The following CETP variants were observed in gnomAD, a reference collection of about 807,000 sequenced individuals.
The protein encoded by CETP is BPI fold containing family F.
CETP carries 56 observed loss-of-function variants against 66.5 expected under a neutral mutation model. The ratio of observed to expected loss-of-function variants is 0.84; its 90% CI spans 0.68 to 1.05. The LOEUF (loss-of-function observed/expected upper bound fraction) is 1.05, where lower values mean the gene tolerates loss of function less well. Ranked by LOEUF, CETP falls within the 50% of genes least tolerant of loss-of-function variation. CETP has a pLI of 0.00. For synonymous variants in CETP, 251 were observed against 245.7 expected, an observed-to-expected ratio of 1.02 and a Z score of -0.20; for missense variants, 612 against 609.6, an observed-to-expected ratio of 1.00 and a Z score of -0.04.
intron 10 of CETP, among the ~76,000 whole-genome samples, chr16:56,977,166 C>A (rs113746343): frequency 3.7e-4 from 56 of 152,280 alleles, no homozygotes; most frequent in African/African-American, 1.3e-3. Context: ...CTGCCTCAGC[C>A]TCCCAAAGTG....
chr16:56,978,274 G>T lies in CETP; in HGVS notation c.1146+19G>T. On this transcript the variant is annotated intron_variant, in intron 11 of 15. Coordinates refer to ENST00000200676, the MANE Select transcript of CETP (RefSeq NM_000078.3). The stretch of plus-strand genomic sequence containing the variant: ...TGAAGAGGTGAGGCGGGTGCAGGGA[G>T]AGGTGGTGGTGGGGGAACCTGACTC... 1 of 1,614,102 alleles carries T rather than the reference G, an allele frequency of 6.2e-7. No individual in the cohort carries two copies. The highest frequency in any genetic ancestry group is 8.5e-7 in the Non-Finnish European group (1 of 1,180,014).
chr16:56,983,423 GC>G lies in CETP; in HGVS notation c.1407+18del. 6.2e-7 allele frequency: 1 copy of G among 1,613,778 alleles called. No homozygotes were observed. The highest frequency in any genetic ancestry group is 8.5e-7 in the Non-Finnish European group (1 of 1,179,656). On this transcript the variant is annotated intron_variant, in intron 15 of 15. Transcript: ENST00000200676. ...TTATCACTCGAGATGTGAGTACAAAGCCCCCCTCACCAGCCCCTGTTCCTGG... is the reference window on the plus strand; with the variant it reads ...TTATCACTCGAGATGTGAGTACAAAGCCCCCTCACCAGCCCCTGTTCCTGG...
In CETP at chr16:56,973,368, C is replaced by A. The variant is rs769805074; in HGVS notation, c.788C>A (p.Pro263His). The change falls in exon 9 of 16, where the codon CCC becomes CAC. Residue 263 changes from proline (P) to histidine (H), a missense_variant. Transcript: ENST00000200676. Reference protein sequence around the residue: ...FIYKNVSEDLPLPTFSPTLLG... With the variant: ...FIYKNVSEDLHLPTFSPTLLG... ...TACAAGAATGTCTCAGAGGACCTCC[C>A]CCTCCCCACCTTCTCGCCCACACTG... 26 of 1,614,070 alleles carry A rather than the reference C, an allele frequency of 1.6e-5. 1 individual carries two copies. In the Admixed American group the frequency reaches 4.3e-4, roughly 27 times the overall value.
In CETP at chr16:56,969,457, C is replaced by T; in HGVS notation, c.305C>T (p.Ser102Phe). 6.2e-7 allele frequency: 1 copy of T among 1,614,170 alleles called. No homozygotes were observed. The highest frequency in any genetic ancestry group is 8.5e-7 in the Non-Finnish European group (1 of 1,180,020). The change falls in exon 3 of 16, where the codon TCC becomes TTC. Residue 102 changes from serine to phenylalanine, a missense_variant. Coordinates refer to ENST00000200676, the MANE Select transcript of CETP (RefSeq NM_000078.3). Reference protein sequence around the residue: ...ELVEAKSIDVSIQNVSVVFKG... With the variant: ...ELVEAKSIDVFIQNVSVVFKG... Reference sequence around the variant, plus strand: ...GTGGAAGCCAAGTCCATTGATGTCTCCATTCAGAACGTGTCTGTGGTCTTC... The same window carrying T: ...GTGGAAGCCAAGTCCATTGATGTCTTCATTCAGAACGTGTCTGTGGTCTTC...
Position 56,971,346 on chromosome 16 carries a change from C to G in CETP, c.623C>G (p.Ser208Cys), listed in dbSNP as rs1298782947. 1.2e-6 allele frequency: 2 copies of G among 1,614,116 alleles called. No homozygotes were observed. The highest frequency in any genetic ancestry group is 1.6e-4 in the Middle Eastern group (1 of 6,062). The change falls in exon 7 of 16, where the codon TCT (serine) becomes TGT (cysteine). Residue 208 changes from serine to cysteine, a missense_variant. Ser to Cys is a moderately radical substitution (Grantham distance 112, BLOSUM62 -1). Coordinates refer to ENST00000200676, the MANE Select transcript of CETP (RefSeq NM_000078.3). ...GQICKEINVISNIMADFVQTR... is the reference protein window; with the variant it reads ...GQICKEINVICNIMADFVQTR... ...ATCTGCAAAGAGATCAACGTCATCT[C>G]TAACATCATGGCCGATTTTGTCCAG...
chr16:56,962,416 CA>C (rs755733958), intron 1 of CETP: 40 of 613,778 alleles, frequency 6.5e-5, no homozygotes, highest in Non-Finnish European at 1.1e-4. Flanking sequence ...GGGGTTGAGT[CA>C]GGGGGTAAAG....
chr16:56,966,309 C>T (rs35619327), intron 2 of CETP, among the ~76,000 whole-genome samples: 1,965 of 152,256 alleles, frequency 0.013, 23 homozygotes, highest in South Asian at 0.027. Flanking sequence ...AGGGAAGCTT[C>T]CTGCTCTGAC....
At chr16:56,975,465 C>A (rs2056143209) in intron 10 of CETP, among the ~76,000 whole-genome samples, 1 of 152,192 alleles carries the variant, frequency 6.6e-6, no homozygotes, top group African/African-American at 2.4e-5. Flanking sequence ...TGCTCCATTT[C>A]CCAGGCATAG....
At chr16:56,983,137 C>T (rs1012105704) in intron 14 of CETP, among the ~76,000 whole-genome samples, 189 bp from the exon 15 acceptor site, 7 of 152,216 alleles carry the variant, frequency 4.6e-5, no homozygotes, top group African/African-American at 1.4e-4. Flanking sequence ...CAAGCCCTGC[C>T]GCCAGGCAAA....
intron 10 of CETP, 105 bp from the exon 11 acceptor site, chr16:56,977,986 G>A (rs1338413131): frequency 1.4e-6 from 2 of 1,441,064 alleles, no homozygotes; most frequent in African/African-American, 2.8e-5. Context: ...CTTTTCCCCA[G>A]CCCTGGGGCC....
At chr16:56,973,224 C>A in intron 8 of CETP, 107 bp from the exon 9 acceptor site, 1 of 1,181,276 alleles carries the variant, frequency 8.5e-7, no homozygotes. Context: ...TCAGTTTCCC[C>A]ATCTGCACTC....
In CETP at chr16:56,973,461, C is replaced by A. The variant is rs1567472971; in HGVS notation, c.881C>A (p.Ala294Asp). 6.2e-7 allele frequency: 1 copy of A among 1,614,222 alleles called. No homozygotes were observed. Among genetic ancestry groups the A allele is most frequent in the African/African-American group, 1.3e-5 (1 of 75,050 alleles). ...ERVFHSLAKV[A>D]FQDGRLMLSL... ...GTCTTCCACTCGCTGGCCAAGGTAG[C>A]TTTCCAGGATGGCCGCCTCATGCTC... is the stretch of plus-strand genomic sequence containing the variant. Residue 294 changes from alanine (A) to aspartate (D), a missense_variant, in exon 9 of 16, where the codon GCT (alanine) becomes GAT (aspartate). By Grantham distance (126) the Ala-to-Asp change is moderately radical. Coordinates refer to ENST00000200676, the MANE Select transcript of CETP (RefSeq NM_000078.3).
chr16:56,977,240 G>A (rs1048265156), intron 10 of CETP, among the ~76,000 whole-genome samples: 8 of 152,220 alleles, frequency 5.3e-5, no homozygotes, highest in African/African-American at 1.9e-4. Context: ...GCTGAGCTAT[G>A]TATTTAATGA....
intron 11 of CETP, among the ~76,000 whole-genome samples, chr16:56,979,937 T>C (rs1196653712): frequency 6.6e-6 from 1 of 152,240 alleles, no homozygotes; most frequent in Non-Finnish European, 1.5e-5. Flanking sequence ...ATGTGGTGAC[T>C]GGGTGCATTT....
At position 56,982,214 on chromosome 16, in the gene CETP, T is replaced by G. The variant is rs1567476542; in HGVS notation, c.1298T>G (p.Val433Gly). The change falls in exon 14 of 16, where the codon GTG becomes GGG. Residue 433 changes from valine (V) to glycine (G), a missense_variant. Physicochemically the swap from Val to Gly is moderately radical, Grantham distance 109. Coordinates refer to ENST00000200676, the MANE Select transcript of CETP (RefSeq NM_000078.3). ...TTCCTGCAGTCAATGATCACCGCTG[T>G]GGGCATCCCTGAGGTCATGTCTCGT... Reference protein sequence around the residue: ...QSFLQSMITAVGIPEVMSRLE... With the variant: ...QSFLQSMITAGGIPEVMSRLE... 1.2e-5 allele frequency: 20 copies of G among 1,614,022 alleles called. No individual in the cohort carries two copies. The highest frequency in any genetic ancestry group is 1.7e-5 in the Non-Finnish European group (20 of 1,180,016).
chr16:56,975,903 G>C (rs546581906), intron 10 of CETP, among the ~76,000 whole-genome samples: 10 of 152,130 alleles, frequency 6.6e-5, no homozygotes, highest in Non-Finnish European at 1.5e-4. Flanking sequence ...GCTGCTCCCA[G>C]TCGCAACCCA....
intron 2 of CETP, among the ~76,000 whole-genome samples, chr16:56,966,044 C>G (rs2056063834): frequency 6.6e-6 from 1 of 152,152 alleles, no homozygotes; most frequent in Admixed American, 6.5e-5. Flanking sequence ...CCCAGAAGCC[C>G]TCTGTATCAG....
At chr16:56,963,917 C>T (rs1032937440) in intron 2 of CETP, among the ~76,000 whole-genome samples, 5 of 152,026 alleles carry the variant, frequency 3.3e-5, no homozygotes, top group African/African-American at 1.2e-4. Context: ...GATCCGCCCA[C>T]CTCAGTCTCC....
In CETP at chr16:56,981,644, C is replaced by T. The variant is rs1567476316; in HGVS notation, c.1215-3C>T. 2 of 1,613,882 alleles carry T rather than the reference C, an allele frequency of 1.2e-6. No individual in the cohort carries two copies. Among genetic ancestry groups the T allele is most frequent in the Non-Finnish European group, 1.7e-6 (2 of 1,179,776 alleles). ...TCAAATTATCATCGCTTTTTTATTT[C>T]AGGATTACACCAAAGACTGTTTCCA... is the stretch of plus-strand genomic sequence containing the variant. On this transcript the variant is annotated splice_region_variant and splice_polypyrimidine_tract_variant and intron_variant, in intron 12 of 15. Transcript: ENST00000200676.
Sources: gnomAD v4.1 joint callset for allele counts (sites outside exome capture counted in the v4.1 genomes callset) on GRCh38, gnomAD v4.1.1 for gene constraint, MANE v1.5 for transcripts, NCBI Gene and HGNC (gene_info 2026-07-23, HGNC 2026-07-21) for gene names.